The following LARP6 variants were observed in gnomAD, a reference collection of about 807,000 sequenced individuals.
The protein encoded by LARP6 is La ribonucleoprotein 6, translational regulator.
A neutral mutation model predicts 32.8 loss-of-function variants in LARP6; 18 were observed. That is an observed-to-expected ratio of 0.55 (90% CI 0.38 to 0.81). The LOEUF (loss-of-function observed/expected upper bound fraction) is 0.81, where lower values mean the gene tolerates loss of function less well. Ranked by LOEUF, LARP6 falls within the 40% of genes least tolerant of loss-of-function variation. The probability of loss-of-function intolerance (pLI) is 0.00; values close to 1 mark genes in which losing one functional copy is unlikely to be tolerated. For synonymous variants in LARP6, 289 were observed against 267.2 expected (o/e 1.08, Z -0.80); for missense variants, 598 against 663.1 (o/e 0.90, Z 1.08).
chr15:70,848,763 C>T (rs1423799035), intron 1 of LARP6: 1 of 151,910 alleles, frequency 6.6e-6, no homozygotes, highest in Admixed American at 6.6e-5. Flanking sequence ...TCATTATCAC[C>T]ATCCAAAGCA....
chr15:70,832,415 C>G lies in LARP6; in HGVS notation c.1113G>C (p.Leu371=). 6.3e-7 allele frequency: 1 copy of G among 1,592,106 alleles called. No individual in the cohort carries two copies. The highest frequency in any genetic ancestry group is 1.1e-5 in the South Asian group (1 of 87,308). The change falls in exon 3 of 3, where the codon CTG becomes CTC. Residue 371 remains leucine, a synonymous_variant. Transcript: ENST00000299213. ...TTGTGCACGGGGAGGCATTTGGACT[C>G]AGAAAGAGATTCTGGTGGCCAGACG... ...LSPSGHQNLF[L]SPNASPCTSP...
Position 70,854,017 on chromosome 15 carries a change from C to G in LARP6, c.72G>C (p.Glu24Asp), listed in dbSNP as rs1424530126. Residue 24 changes from glutamate (E) to aspartate (D), a missense_variant, in exon 1 of 3, where the codon GAG (glutamate) becomes GAC (aspartate). This residue lies in a region of LARP6 where 161 missense variants were observed against 148.6 expected (regional missense o/e 1.08). Transcript: ENST00000299213. The stretch of plus-strand genomic sequence containing the variant: ...CCTCCAACTCGTCCACGTCCTCGGC[C>G]TCCTGGATGGCGACGCGGATCTGCA... Reference protein sequence around the residue: ...TAVQIRVAIQEAEDVDELEDE... With the variant: ...TAVQIRVAIQDAEDVDELEDE... The G allele has an allele frequency of 6.9e-7, 1 of 1,457,398 alleles. No homozygotes were observed. Among genetic ancestry groups the G allele is most frequent in the Non-Finnish European group, 9.1e-7 (1 of 1,098,890 alleles). 90.3% of individuals were successfully genotyped at this position (1,457,398 alleles called of 1,614,324 possible). A position where few individuals can be genotyped will look rare whatever the true frequency, so the allele number is the denominator to read the frequency against.
chr15:70,846,972 T>G (rs938432575), intron 1 of LARP6, among the ~76,000 whole-genome samples: 1 of 152,246 alleles, frequency 6.6e-6, no homozygotes, highest in Non-Finnish European at 1.5e-5. Context: ...ATTTGTATTA[T>G]AGCTACTTGT....
Position 70,829,738 on chromosome 15 carries a change from C to A in LARP6, c.*2314G>T, listed in dbSNP as rs1301067411. On this transcript the variant is annotated 3_prime_UTR_variant, in exon 3 of 3. Transcript: ENST00000299213. Reference sequence around the variant, plus strand: ...ACGACTCGACCTCAGATCTGCTGACCCCCACTTCAGGGTTCTTTTATAATG... The same window carrying A: ...ACGACTCGACCTCAGATCTGCTGACACCCACTTCAGGGTTCTTTTATAATG... 6.6e-6 allele frequency: 1 copy of A among 151,342 alleles called. No homozygotes were observed. The highest frequency in any genetic ancestry group is 1.9e-4 in the East Asian group (1 of 5,196). The allele number at this position is 151,342 out of a possible 1,614,324, so 9.4% of individuals were successfully genotyped here.
intron 1 of LARP6, among the ~76,000 whole-genome samples, chr15:70,843,058 G>A (rs1042041888): frequency 6.6e-6 from 1 of 152,008 alleles, no homozygotes; most frequent in African/African-American, 2.4e-5. Flanking sequence ...ACTTATTGCC[G>A]ATTACAACCA....
intron 1 of LARP6, among the ~76,000 whole-genome samples, chr15:70,838,595 C>T (rs1197019576): frequency 6.6e-6 from 1 of 152,188 alleles, no homozygotes; most frequent in African/African-American, 2.4e-5. Flanking sequence ...CTCTCCCTCT[C>T]CCTAAGATCA....
chr15:70,832,919 G>A lies in LARP6; in HGVS notation c.609C>T (p.Pro203=), dbSNP rs766327224. The part of the protein sequence containing the change: ...LSPKLWALAT[P]QKNGRVQEKV... ...TCTCTTGCACCCTTCCATTCTTCTG[G>A]GGGGTGGCCAGAGCCCACAGCTTAG... The change falls in exon 3 of 3, where the codon CCC becomes CCT. Residue 203 remains proline (P), a synonymous_variant. Transcript: ENST00000299213. 9 of 1,602,360 alleles carry A rather than the reference G, an allele frequency of 5.6e-6. No homozygotes were observed. In the South Asian group the frequency reaches 6.7e-5, roughly 12 times the overall value.
At chr15:70,837,968 G>A (rs868349043) in intron 1 of LARP6, among the ~76,000 whole-genome samples, 4 of 152,130 alleles carry the variant, frequency 2.6e-5, no homozygotes, top group Admixed American at 6.5e-5. Context: ...GAGTCTAAAC[G>A]CAAATTCATT....
At chr15:70,847,671 A>C (rs544326642) in intron 1 of LARP6, among the ~76,000 whole-genome samples, 1 of 152,142 alleles carries the variant, frequency 6.6e-6, no homozygotes, top group Non-Finnish European at 1.5e-5. Context: ...TAAATGATTT[A>C]GAGAAACAAA....
rs1407197803 is a variant in LARP6 at position 70,832,336 on chromosome 15, G to T, written c.1192C>A (p.Leu398Met). Reference protein sequence around the residue: ...QRKGVSRKSPLAEEGRLNCST... With the variant: ...QRKGVSRKSPMAEEGRLNCST... ...CAGTTCAGTCTACCTTCCTCCGCCA[G>T]TGGGGACTTTCTGGAAACGCCTTTG... is the stretch of plus-strand genomic sequence containing the variant. The change falls in exon 3 of 3, where the codon CTG becomes ATG. Residue 398 changes from leucine to methionine, a missense_variant. Leu to Met is a conservative substitution (Grantham distance 15, BLOSUM62 2). Around this residue, in one of 3 missense-constraint regions of LARP6, gnomAD observed 368 missense variants for 397.9 expected, o/e 0.92. Coordinates refer to ENST00000299213, the MANE Select transcript of LARP6 (RefSeq NM_018357.4). 1.2e-6 allele frequency: 2 copies of T among 1,614,138 alleles called. No homozygotes were observed. Among genetic ancestry groups the T allele is most frequent in the Non-Finnish European group, 1.7e-6 (2 of 1,180,060 alleles).
intron 1 of LARP6, among the ~76,000 whole-genome samples, chr15:70,839,469 A>G (rs2032212084): frequency 6.6e-6 from 1 of 152,094 alleles, no homozygotes; most frequent in South Asian, 2.1e-4. Flanking sequence ...AGTGAAGAAA[A>G]TAATAGGGAG....
At chr15:70,840,083 C>T (rs1182201835) in intron 1 of LARP6, among the ~76,000 whole-genome samples, 1 of 152,082 alleles carries the variant, frequency 6.6e-6, no homozygotes, top group African/African-American at 2.4e-5. Context: ...CAGCCAAATA[C>T]AATAGTAACC....
intron 1 of LARP6, chr15:70,853,491 G>A (rs187561157): frequency 6.2e-6 from 1 of 160,356 alleles, no homozygotes; most frequent in Non-Finnish European, 1.4e-5. Context: ...CACTCGCAAG[G>A]GGAGGGGAAG....
Position 70,832,921 on chromosome 15 carries a change from G to T in LARP6, c.607C>A (p.Pro203Thr). ...TCTTGCACCCTTCCATTCTTCTGGG[G>T]GGTGGCCAGAGCCCACAGCTTAGGA... ...LSPKLWALAT[P>T]QKNGRVQEKV... Residue 203 changes from proline (P) to threonine (T), a missense_variant, in exon 3 of 3, where the codon CCC becomes ACC. Pro to Thr is a conservative substitution (Grantham distance 38). Coordinates refer to ENST00000299213, the MANE Select transcript of LARP6 (RefSeq NM_018357.4). 1 of 1,602,390 alleles carries T rather than the reference G, an allele frequency of 6.2e-7. No homozygotes were observed. Among genetic ancestry groups the T allele is most frequent in the Non-Finnish European group, 8.5e-7 (1 of 1,174,862 alleles).
chr15:70,845,711 C>T (rs1257301632), intron 1 of LARP6, among the ~76,000 whole-genome samples: 2 of 152,220 alleles, frequency 1.3e-5, no homozygotes, highest in South Asian at 2.1e-4. Context: ...AAGGTACATG[C>T]TGCTTTTTCT....
At chr15:70,847,102 G>A (rs1235874216) in intron 1 of LARP6, among the ~76,000 whole-genome samples, 1 of 152,154 alleles carries the variant, frequency 6.6e-6, no homozygotes, top group Non-Finnish European at 1.5e-5. Context: ...TATCACCAAT[G>A]TAAAGCAAAT....
At chr15:70,846,901 T>C (rs2032358003) in intron 1 of LARP6, among the ~76,000 whole-genome samples, 1 of 152,208 alleles carries the variant, frequency 6.6e-6, no homozygotes, top group Non-Finnish European at 1.5e-5. Context: ...TTAAGGTCCA[T>C]CTTAAATGCA....
chr15:70,831,931 T>A lies in LARP6; in HGVS notation c.*121A>T. 1.5e-6 allele frequency: 1 copy of A among 677,880 alleles called. No homozygotes were observed. Among genetic ancestry groups the A allele is most frequent in the Non-Finnish European group, 2.5e-6 (1 of 405,822 alleles). 42.0% of individuals were successfully genotyped at this position (677,880 alleles called of 1,614,324 possible). ...TATTACAGATAGATAAATTAAGAGG[T>A]CTACATGAATAAAAAATCTCTCAAA... is the stretch of plus-strand genomic sequence containing the variant. On this transcript the variant is annotated 3_prime_UTR_variant, in exon 3 of 3. Transcript: ENST00000299213.
At chr15:70,838,037 T>C (rs537150816) in intron 1 of LARP6, among the ~76,000 whole-genome samples, 82 of 152,234 alleles carry the variant, frequency 5.4e-4, no homozygotes, top group Admixed American at 1.2e-3. Context: ...ATATTTTTAA[T>C]AATTTTGTGC....
Sources: gnomAD v4.1 joint callset for allele counts (sites outside exome capture counted in the v4.1 genomes callset) on GRCh38, gnomAD v4.1.1 for gene constraint, gnomAD v4.1.1 regional missense constraint, MANE v1.5 for transcripts, NCBI Gene and HGNC (gene_info 2026-07-23, HGNC 2026-07-21) for gene names.